ZNF846: variants seen among roughly 807,000 people sequenced by gnomAD.
ZNF846 encodes zinc finger protein 846.
Under a neutral mutation model 16.0 loss-of-function variants are expected in ZNF846, and 15 were observed. The observed-to-expected ratio is 0.94, with a 90% CI of 0.63 to 1.45. The LOEUF is 1.45. Ranked by LOEUF, ZNF846 falls within the 40% of genes most tolerant of loss-of-function variation. ZNF846 has a pLI of 0.00. For synonymous variants in ZNF846, 229 were observed against 212.0 expected (o/e 1.08, Z -0.70); for missense variants, 714 against 622.3 (o/e 1.15, Z -1.57).
chr19:9,767,345 G>C (rs1417679559), intron 1 of ZNF846, among the ~76,000 whole-genome samples: 1 of 151,668 alleles, frequency 6.6e-6, no homozygotes, highest in Non-Finnish European at 1.5e-5. Context: ...ATGTTGGTCG[G>C]GCTGGTCTGG....
intron 1 of ZNF846, among the ~76,000 whole-genome samples, chr19:9,765,708 C>G (rs895362091): frequency 1.3e-5 from 2 of 152,048 alleles, no homozygotes; most frequent in African/African-American, 2.4e-5. Flanking sequence ...AAAGCATTTC[C>G]ATACCCTGCA....
intron 1 of ZNF846, among the ~76,000 whole-genome samples, chr19:9,765,984 C>T (rs2045309433): frequency 6.6e-6 from 1 of 152,210 alleles, no homozygotes; most frequent in Non-Finnish European, 1.5e-5. Context: ...AGAAAAAATA[C>T]TCTAGTTGAC....
chr19:9,770,470 T>C (rs1047909930), upstream of ZNF846, among the ~76,000 whole-genome samples: 2 of 150,110 alleles, frequency 1.3e-5, no homozygotes, highest in Non-Finnish European at 2.9e-5. Context: ...TGTTGGATAT[T>C]GGGTTTTCTC....
chr19:9,774,482 A>AT (rs992992642), intron 1 of ZNF846: 1 of 974,164 alleles, frequency 1.0e-6, no homozygotes. Flanking sequence ...AAAAAAAAAA[A>AT]ATACCAAATC....
chr19:9,775,682 T>C (rs7250487), intron 1 of ZNF846, among the ~76,000 whole-genome samples: 25,399 of 152,066 alleles, frequency 0.17, 3,933 homozygotes, highest in African/African-American at 0.41. Context: ...GATTTTTGGG[T>C]GATTAACGTA....
chr19:9,760,029 C>G, intron 4 of ZNF846, 87 bp from the exon 5 acceptor site: 1 of 944,600 alleles, frequency 1.1e-6, no homozygotes. Context: ...TGGTGGCTCA[C>G]ACCTGTAATC....
downstream of ZNF846, among the ~76,000 whole-genome samples, chr19:9,754,447 C>T (rs1599380735): frequency 1.3e-5 from 2 of 150,656 alleles, no homozygotes; most frequent in Middle Eastern, 6.9e-3. Context: ...GCCTGTAATC[C>T]TATCTACTCA....
downstream of ZNF846, chr19:9,757,473 C>T: frequency 6.4e-7 from 1 of 1,562,290 alleles, no homozygotes; most frequent in East Asian, 2.2e-5. Context: ...CTGAGGAACA[C>T]TTCAGGTTTT....
chr19:9,748,906 ATCT>A (rs2045064018), downstream of ZNF846, among the ~76,000 whole-genome samples: 1 of 152,016 alleles, frequency 6.6e-6, no homozygotes, highest in African/African-American at 2.4e-5. Context: ...CAGCCTGCTA[ATCT>A]TCTCTTGCCT....
exon 3 of ZNF846, chr19:9,763,283 T>TGATGCC: frequency 6.3e-7 from 1 of 1,577,504 alleles, no homozygotes; most frequent in East Asian, 2.3e-5. Context: ...CAGTTTTACC[T>TGATGCC]AGTATAATGA....
In ZNF846 at chr19:9,764,880, C is replaced by T. The variant is rs949356874; in HGVS notation, c.15+56G>A. The T allele has an allele frequency of 8.1e-6, 13 of 1,602,078 alleles. No individual in the cohort carries two copies. The Admixed American group carries it at 1.5e-4, about 18-fold the overall frequency. On this transcript the variant is annotated intron_variant, in intron 2 of 5. Coordinates refer to ENST00000397902, the Ensembl canonical transcript of ZNF846. Reference sequence around the variant, plus strand: ...TTGAATACACGATAACAAGGTAAGGCTACCGATGATGGCTACAAGCATAAC... The same window carrying T: ...TTGAATACACGATAACAAGGTAAGGTTACCGATGATGGCTACAAGCATAAC...
downstream of ZNF846, among the ~76,000 whole-genome samples, chr19:9,754,605 G>C (rs1215496359): frequency 7.2e-6 from 1 of 138,750 alleles, no homozygotes; most frequent in East Asian, 2.0e-4. Flanking sequence ...GCAACATACA[G>C]TTGGATTGTG....
intron 1 of ZNF846, among the ~76,000 whole-genome samples, chr19:9,767,633 A>C (rs1311540184): frequency 6.6e-6 from 1 of 152,052 alleles, no homozygotes; most frequent in Non-Finnish European, 1.5e-5. Flanking sequence ...TAAATAAATA[A>C]ATAAAAATAT....
At chr19:9,757,812 T>C in exon 6 of ZNF846, 31 of 1,613,660 alleles carry the variant, frequency 1.9e-5, no homozygotes, top group Non-Finnish European at 2.5e-5. Flanking sequence ...TTTGCATTCA[T>C]ATGGCTTCTC....
chr19:9,763,648 C>T (rs187749476), intron 2 of ZNF846, among the ~76,000 whole-genome samples: 6 of 152,214 alleles, frequency 3.9e-5, no homozygotes, highest in African/African-American at 1.4e-4. Flanking sequence ...TGGCCTTAGT[C>T]CTCCTCTATT....
intron 1 of ZNF846, among the ~76,000 whole-genome samples, chr19:9,775,653 A>C (rs2045432924): frequency 1.3e-5 from 2 of 152,198 alleles, no homozygotes; most frequent in South Asian, 4.1e-4. Flanking sequence ...AAATATATGC[A>C]TATGTAGGGT....
chr19:9,760,095 C>A (rs910890118), intron 4 of ZNF846, among the ~76,000 whole-genome samples, 153 bp from the exon 5 acceptor site: 1 of 151,512 alleles, frequency 6.6e-6, no homozygotes, highest in Non-Finnish European at 1.5e-5. Context: ...AGTTCAAGAC[C>A]AGCCTGGCCA....
chr19:9,755,799 C>CAA (rs538572391), downstream of ZNF846, among the ~76,000 whole-genome samples: 444 of 24,690 alleles, frequency 0.018, 45 homozygotes, highest in Non-Finnish European at 0.025. Context: ...GACTCCGTCT[C>CAA]AAAAAAAAAA....
chr19:9,758,024 T>G lies in ZNF846; in HGVS notation c.1053A>C (p.Ser351=), dbSNP rs150613849. Reference sequence around the variant, plus strand: ...GAATCCTTACATGTTTTGTAAGGTATGAGGAATGAATAAAAGCTTTTCCAC... The same window carrying G: ...GAATCCTTACATGTTTTGTAAGGTAGGAGGAATGAATAAAAGCTTTTCCAC... Residue 351 remains serine (S), a synonymous_variant, in exon 6 of 6, where the codon TCA becomes TCC. Coordinates refer to ENST00000397902, the Ensembl canonical transcript of ZNF846. 1,862 of 1,613,562 alleles carry G rather than the reference T, an allele frequency of 1.2e-3. 4 individuals are homozygous for G. Among genetic ancestry groups the G allele is most frequent in the Middle Eastern group, 0.011 (69 of 6,062 alleles).
Sources: allele counts gnomAD v4.1 joint callset (sites outside exome capture counted in the v4.1 genomes callset), GRCh38; gene constraint gnomAD v4.1.1; transcripts MANE v1.5; gene names NCBI Gene and HGNC (gene_info 2026-07-23, HGNC 2026-07-21).